SYN2: variants seen among roughly 807,000 people sequenced by gnomAD.
SYN2 encodes the protein synapsin II, also known as synapsin-2.
A neutral mutation model predicts 50.9 loss-of-function variants in SYN2; 19 were observed. That is an observed-to-expected ratio of 0.37 (90% CI 0.26 to 0.55). The LOEUF is 0.55. Among genes scored for constraint, SYN2 ranks in the 20% least tolerant of loss-of-function variants. The pLI, the probability that SYN2 is intolerant of heterozygous loss-of-function variation, is 0.81. For synonymous variants in SYN2, 255 were observed against 224.9 expected, an observed-to-expected ratio of 1.13 and a Z score of -1.20; for missense variants, 587 against 576.4, an observed-to-expected ratio of 1.02 and a Z score of -0.19.
intron 7 of SYN2, among the ~76,000 whole-genome samples, chr3:12,164,595 T>A (rs1255622825): frequency 6.6e-6 from 1 of 152,146 alleles, no homozygotes; most frequent in Non-Finnish European, 1.5e-5. Context: ...CACTTTGGTG[T>A]GAAGAAGGTA....
Position 12,154,329 on chromosome 3 carries a change from G to C in SYN2, c.774+3003G>C, listed in dbSNP as rs1697390653. On this transcript the variant is annotated intron_variant, in intron 5 of 12. Coordinates refer to ENST00000621198, the MANE Select transcript of SYN2 (RefSeq NM_133625.6). ...TTTGGAAATGGACATTCCCTTACTTGGCAGCCACAGTTCAGATGGTAGTGA... is the reference window on the plus strand; with the variant it reads ...TTTGGAAATGGACATTCCCTTACTTCGCAGCCACAGTTCAGATGGTAGTGA... 3.1e-6 allele frequency: 5 copies of C among 1,614,058 alleles called. No individual in the cohort carries two copies. The African/African-American group carries it at 5.3e-5, about 17-fold the overall frequency.
intron 5 of SYN2, chr3:12,153,597 A>T: frequency 6.2e-7 from 1 of 1,614,182 alleles, no homozygotes; most frequent in Non-Finnish European, 8.5e-7. Context: ...AACATGCTTC[A>T]TACAGACATA....
chr3:12,177,937 C>T (rs1035812527), intron 10 of SYN2, among the ~76,000 whole-genome samples: 3 of 152,200 alleles, frequency 2.0e-5, no homozygotes, highest in African/African-American at 4.8e-5. Flanking sequence ...CAACTCCCCC[C>T]AGGAGGGAAG....
At chr3:12,027,405 A>G (rs936697364) in intron 1 of SYN2, among the ~76,000 whole-genome samples, 1 of 152,294 alleles carries the variant, frequency 6.6e-6, no homozygotes, top group African/African-American at 2.4e-5. Flanking sequence ...CATATGAAAG[A>G]TGTCGTACCC....
chr3:12,145,982 C>T, intron 4 of SYN2, 147 bp downstream of exon 4: 5 of 1,126,712 alleles, frequency 4.4e-6, no homozygotes, highest in Non-Finnish European at 5.0e-6. Flanking sequence ...CCTCAAGATG[C>T]AGTTGGCCCC....
rs1694001148 is a variant in SYN2, at chr3:12,015,147, T to G, written c.377+10219T>G. ...ACTTGTGCTTCCTGAAAGGCTTTCT[T>G]CTCCTGTGTCTTTACCTGGATAATC... On this transcript the variant is annotated intron_variant, in intron 1 of 12. Coordinates refer to ENST00000621198, the MANE Select transcript of SYN2 (RefSeq NM_133625.6). Among the ~76,000 whole-genome samples the G allele has an allele frequency of 2.0e-5, 3 of 152,230 alleles. No homozygotes were observed. In the South Asian group the frequency reaches 6.2e-4, roughly 32 times the overall value.
At chr3:12,096,084 C>T (rs542032615) in intron 1 of SYN2, among the ~76,000 whole-genome samples, 40 of 152,310 alleles carry the variant, frequency 2.6e-4, no homozygotes, top group African/African-American at 8.4e-4. Context: ...CTTCCCCTGC[C>T]ATTCATGACA....
At chr3:12,121,866 C>T (rs1696567443) in intron 1 of SYN2, among the ~76,000 whole-genome samples, 1 of 152,116 alleles carries the variant, frequency 6.6e-6, no homozygotes. Context: ...GAAACTTGGG[C>T]AAGAGCTGAT....
At chr3:12,126,133 T>C (rs953543055) in intron 1 of SYN2, among the ~76,000 whole-genome samples, 2 of 152,230 alleles carry the variant, frequency 1.3e-5, no homozygotes, top group African/African-American at 4.8e-5. Flanking sequence ...ATCTGGAAAC[T>C]GGGGAAACAA....
intron 1 of SYN2, among the ~76,000 whole-genome samples, chr3:12,060,524 G>T (rs1302992618): frequency 2.6e-5 from 4 of 152,158 alleles, no homozygotes; most frequent in Non-Finnish European, 4.4e-5. Flanking sequence ...AGATTTAATC[G>T]TAAGATAGCA....
intron 1 of SYN2, among the ~76,000 whole-genome samples, chr3:12,044,213 A>ACACC (rs1694688852): frequency 7.6e-6 from 1 of 132,252 alleles, no homozygotes; most frequent in African/African-American, 2.6e-5. Context: ...ACACACACAC[A>ACACC]CACACACACA....
At chr3:12,016,708 T>C (rs962913249) in intron 1 of SYN2, among the ~76,000 whole-genome samples, 1 of 152,106 alleles carries the variant, frequency 6.6e-6, no homozygotes, top group Non-Finnish European at 1.5e-5. Context: ...ATACAAAAAT[T>C]AGCTGGGTGT....
At chr3:12,015,407 G>C (rs1376391764) in intron 1 of SYN2, among the ~76,000 whole-genome samples, 1 of 152,110 alleles carries the variant, frequency 6.6e-6, no homozygotes, top group Non-Finnish European at 1.5e-5. Flanking sequence ...GACAAAGAAA[G>C]TTTTCAGTAC....
intron 11 of SYN2, among the ~76,000 whole-genome samples, chr3:12,186,083 C>T (rs1197007022): frequency 1.3e-5 from 2 of 152,200 alleles, no homozygotes; most frequent in Non-Finnish European, 2.9e-5. Flanking sequence ...CATGGGTGCA[C>T]AGTGGCATAG....
chr3:12,025,781 C>A lies in SYN2; in HGVS notation c.377+20853C>A, dbSNP rs183858615. Among the ~76,000 whole-genome samples the A allele has an allele frequency of 3.9e-5, 6 of 152,320 alleles. No homozygotes were observed. The East Asian group carries it at 1.2e-3, about 29-fold the overall frequency. ...GCAGCCACCCAACCAGGCACCTCCC[C>A]CTACCCTGTGCCTTCTCTGCTGCCT... is the stretch of plus-strand genomic sequence containing the variant. On this transcript the variant is annotated intron_variant, in intron 1 of 12. Coordinates refer to ENST00000621198, the MANE Select transcript of SYN2 (RefSeq NM_133625.6).
At chr3:12,109,729 G>T (rs921314467) in intron 1 of SYN2, among the ~76,000 whole-genome samples, 3 of 152,146 alleles carry the variant, frequency 2.0e-5, no homozygotes, top group Admixed American at 6.5e-5. Flanking sequence ...GTTTGGGGTA[G>T]ATACAGGATG....
In SYN2 at chr3:12,061,744, A is replaced by G. The variant is rs181425841; in HGVS notation, c.377+56816A>G. Among the ~76,000 whole-genome samples the G allele has an allele frequency of 3.8e-3, 576 of 152,124 alleles. 3 individuals carry two copies. Among genetic ancestry groups the G allele is most frequent in the African/African-American group, 0.013 (547 of 41,556 alleles). On this transcript the variant is annotated intron_variant, in intron 1 of 12. Transcript: ENST00000621198. ...ATTAGTTATTTTCCTGTATACCACAATGAAAAATTAAAAAAACACTACCAT... is the reference window on the plus strand; with the variant it reads ...ATTAGTTATTTTCCTGTATACCACAGTGAAAAATTAAAAAAACACTACCAT...
intron 4 of SYN2, among the ~76,000 whole-genome samples, chr3:12,146,078 C>T (rs983327712): frequency 1.3e-5 from 2 of 152,224 alleles, no homozygotes; most frequent in African/African-American, 4.8e-5. Flanking sequence ...GTCACAGGCT[C>T]AGCACCTTTG....
At chr3:12,066,532 G>T (rs1695220823) in intron 1 of SYN2, among the ~76,000 whole-genome samples, 1 of 152,122 alleles carries the variant, frequency 6.6e-6, no homozygotes, top group Non-Finnish European at 1.5e-5. Flanking sequence ...TAGAAAATCT[G>T]GCTGGCTTTT....
Sources: gnomAD v4.1 joint callset for allele counts (sites outside exome capture counted in the v4.1 genomes callset) on GRCh38, gnomAD v4.1.1 for gene constraint, MANE v1.5 for transcripts, NCBI Gene and HGNC (gene_info 2026-07-23, HGNC 2026-07-21) for gene names.